Variants in TUSC3 observed in about 807,000 individuals in gnomAD.
TUSC3 encodes the protein tumor suppressor candidate 3, also known as dolichyl-diphosphooligosaccharide--protein glycosyltransferase subunit TUSC3.
In TUSC3, 45 loss-of-function variants were observed where a neutral mutation model predicts 44.8. The ratio of observed to expected loss-of-function variants is 1.00; its 90% CI spans 0.79 to 1.29. The LOEUF is 1.29. TUSC3 is among the 50% of genes most tolerant of loss of function. TUSC3 has a pLI of 0.00. For missense variants in TUSC3, 519 were observed against 437.9 expected (o/e 1.19, Z -1.65); for synonymous variants, 212 against 152.9 (o/e 1.39, Z -2.85).
At chr8:15,475,937 T>C (rs1800568889) in intron 1 of TUSC3, among the ~76,000 whole-genome samples, 1 of 152,206 alleles carries the variant, frequency 6.6e-6, no homozygotes, top group South Asian at 2.1e-4. Context: ...ATGATGTACA[T>C]TTAGAGCTCA....
chr8:15,694,166 G>A (rs1809043645), intron 6 of TUSC3, among the ~76,000 whole-genome samples: 1 of 152,016 alleles, frequency 6.6e-6, no homozygotes, highest in Non-Finnish European at 1.5e-5. Flanking sequence ...ATGTTGGCCG[G>A]GCACAGTGGC....
intron 4 of TUSC3, among the ~76,000 whole-genome samples, chr8:15,661,448 C>A (rs541536346): frequency 1.3e-5 from 2 of 152,078 alleles, no homozygotes; most frequent in Admixed American, 1.3e-4. Context: ...CTCATTTGAT[C>A]TGCCTCATCT....
At chr8:15,533,151 C>G (rs1034243849) in intron 2 of TUSC3, among the ~76,000 whole-genome samples, 1 of 152,254 alleles carries the variant, frequency 6.6e-6, no homozygotes, top group African/African-American at 2.4e-5. Flanking sequence ...TTACGTGCCA[C>G]CATCCACGTA....
chr8:15,600,650 C>T (rs1450726459), intron 1 of TUSC3, among the ~76,000 whole-genome samples: 1 of 151,540 alleles, frequency 6.6e-6, no homozygotes, highest in Non-Finnish European at 1.5e-5. Flanking sequence ...GGAGGTAACT[C>T]AGTAATGGTT....
intron 8 of TUSC3, among the ~76,000 whole-genome samples, chr8:15,746,680 C>A (rs1325488914): frequency 6.6e-6 from 1 of 151,858 alleles, no homozygotes; most frequent in East Asian, 1.9e-4. Flanking sequence ...TAGAGCACAA[C>A]CCAATGGGGC....
chr8:15,789,893 G>C, the TUSC3 span, among the ~76,000 whole-genome samples: 1 of 152,258 alleles, frequency 6.6e-6, no homozygotes, highest in East Asian at 1.9e-4. Flanking sequence ...TTGGGGTTTA[G>C]GCTGTCAGGG....
chr8:15,595,323 C>T (rs542405763), intron 1 of TUSC3, among the ~76,000 whole-genome samples: 65 of 152,238 alleles, frequency 4.3e-4, no homozygotes, highest in Non-Finnish European at 8.8e-5. Context: ...GTAAATCTTT[C>T]CTCTTTAGTA....
chr8:15,486,214 T>A (rs1373686639), intron 2 of TUSC3, among the ~76,000 whole-genome samples: 1 of 152,202 alleles, frequency 6.6e-6, no homozygotes, highest in African/African-American at 2.4e-5. Context: ...TGCAGCTATT[T>A]GTCAACTGTA....
the TUSC3 span, among the ~76,000 whole-genome samples, chr8:15,780,277 G>T: frequency 2.0e-5 from 3 of 152,130 alleles, no homozygotes; most frequent in Admixed American, 2.0e-4. Flanking sequence ...CCCCACCCCA[G>T]GTACTGCACA....
chr8:15,694,123 T>A (rs192880834), intron 6 of TUSC3, among the ~76,000 whole-genome samples: 169 of 152,244 alleles, frequency 1.1e-3, no homozygotes, highest in Non-Finnish European at 1.4e-3. Flanking sequence ...TATTCCATAT[T>A]GTATTTCTGT....
intron 6 of TUSC3, among the ~76,000 whole-genome samples, chr8:15,706,769 AT>A (rs1809632159): frequency 1.3e-5 from 2 of 151,978 alleles, no homozygotes; most frequent in Non-Finnish European, 2.9e-5. Context: ...GATCACGAGC[AT>A]TTTCTAAGCA....
At chr8:15,840,149 C>T in the TUSC3 span, among the ~76,000 whole-genome samples, 1 of 152,036 alleles carries the variant, frequency 6.6e-6, no homozygotes, top group Non-Finnish European at 1.5e-5. Flanking sequence ...ACACCGCATA[C>T]TCTCACTCAT....
chr8:15,840,262 G>C, the TUSC3 span, among the ~76,000 whole-genome samples: 4 of 152,146 alleles, frequency 2.6e-5, no homozygotes, highest in African/African-American at 9.7e-5. Context: ...AGCATTAGGA[G>C]ACATGCCTAA....
chr8:15,748,587 G>C, intron 9 of TUSC3, 122 bp downstream of exon 9: 2 of 934,790 alleles, frequency 2.1e-6, no homozygotes, highest in Non-Finnish European at 3.5e-6. Context: ...ATTCAGTTAA[G>C]CAAGTTTTTG....
At chr8:15,569,644 T>C (rs938806494) in intron 1 of TUSC3, among the ~76,000 whole-genome samples, 12 of 152,180 alleles carry the variant, frequency 7.9e-5, no homozygotes, top group Non-Finnish European at 1.5e-4. Context: ...AGGAGTAAAC[T>C]GGGACTTTCC....
chr8:15,814,303 G>A, the TUSC3 span, among the ~76,000 whole-genome samples: 1 of 152,050 alleles, frequency 6.6e-6, no homozygotes, highest in Non-Finnish European at 1.5e-5. Flanking sequence ...TTTCTAGAAG[G>A]AGGAAGACAT....
intron 2 of TUSC3, among the ~76,000 whole-genome samples, chr8:15,515,374 G>T (rs942879044): frequency 5.3e-5 from 8 of 152,106 alleles, no homozygotes; most frequent in African/African-American, 1.9e-4. Flanking sequence ...GAAGACAAGA[G>T]TCCTGAATGA....
intron 9 of TUSC3, among the ~76,000 whole-genome samples, chr8:15,756,056 T>A: frequency 6.6e-6 from 1 of 152,196 alleles, no homozygotes; most frequent in East Asian, 1.9e-4. Flanking sequence ...CATTAGACTC[T>A]GTCTTAGGGA....
the TUSC3 span, among the ~76,000 whole-genome samples, chr8:15,810,318 A>G: frequency 0.48 from 73,522 of 151,944 alleles, 18,696 homozygotes; most frequent in Non-Finnish European, 0.57. Context: ...CCAATTCACT[A>G]TATATGAGAT....
Sources: allele counts gnomAD v4.1 joint callset (sites outside exome capture counted in the v4.1 genomes callset), GRCh38; gene constraint gnomAD v4.1.1; transcripts MANE v1.5; gene names NCBI Gene and HGNC (gene_info 2026-07-23, HGNC 2026-07-21).